KIF17: variants seen among roughly 807,000 people sequenced by gnomAD.
KIF17 encodes kinesin-like protein KIF17.
A neutral mutation model predicts 96.8 loss-of-function variants in KIF17; 80 were observed. That is an observed-to-expected ratio of 0.83 (90% CI 0.69 to 1.00). The LOEUF (loss-of-function observed/expected upper bound fraction) is 1.00. Ranked by LOEUF, KIF17 falls within the 50% of genes least tolerant of loss-of-function variation. The pLI is 0.00. For synonymous variants in KIF17, 567 were observed against 587.5 expected (o/e 0.97, Z 0.51); for missense variants, 1,280 against 1,372.9 (o/e 0.93, Z 1.07).
chr1:20,665,926 C>G (rs2053518677), intron 14 of KIF17, among the ~76,000 whole-genome samples: 1 of 152,234 alleles, frequency 6.6e-6, no homozygotes, highest in Non-Finnish European at 1.5e-5. Context: ...CATCCCCAGC[C>G]AGGCCCCTGA....
chr1:20,670,936 G>A (rs1289179379), intron 12 of KIF17, among the ~76,000 whole-genome samples: 1 of 152,194 alleles, frequency 6.6e-6, no homozygotes, highest in African/African-American at 2.4e-5. Flanking sequence ...GCCACAGCAT[G>A]TCTGGCTTTA....
At position 20,684,970 on chromosome 1, in the gene KIF17, C is replaced by G; in HGVS notation, c.2070G>C (p.Glu690Asp). 6.2e-7 allele frequency: 1 copy of G among 1,605,878 alleles called. No homozygotes were observed. Among genetic ancestry groups the G allele is most frequent in the Non-Finnish European group, 8.5e-7 (1 of 1,176,422 alleles). ...EVALEVVRTA[E>D]PGVWLEAQAP... Reference sequence around the variant, plus strand: ...CCTGAGCCTCCAACCACACGCCAGGCTCTGCTGTCCGCACCACCTCTAAGG... The same window carrying G: ...CCTGAGCCTCCAACCACACGCCAGGGTCTGCTGTCCGCACCACCTCTAAGG... Residue 690 changes from glutamate (E) to aspartate (D), a missense_variant, in exon 10 of 15, where the codon GAG (glutamate) becomes GAC (aspartate). By Grantham distance (45) the Glu-to-Asp change is conservative (BLOSUM62 2). Coordinates refer to ENST00000400463, the MANE Select transcript of KIF17 (RefSeq NM_001122819.3).
Position 20,692,190 on chromosome 1 carries a change from C to T in KIF17, c.1234-1855G>A, listed in dbSNP as rs574693616. Among the ~76,000 whole-genome samples, 4 of 152,356 alleles carry T rather than the reference C, an allele frequency of 2.6e-5. No homozygotes were observed. The South Asian group carries it at 6.2e-4, about 24-fold the overall frequency. On this transcript the variant is annotated intron_variant, in intron 6 of 14. Coordinates refer to ENST00000400463, the MANE Select transcript of KIF17 (RefSeq NM_001122819.3). ...ACATTTGGGGACTCCTAGACACACC[C>T]ACTTCCTCCCTGCCCCAAGGCCTTT...
Position 20,717,801 on chromosome 1 carries a change from A to G in KIF17, c.-95T>C, listed in dbSNP as rs1307804125. ...CCAAGGGGCGGGGCCAGCGCCGGCC[A>G]CGGGGGGCGGGGCCTTGAGGCAGGG... On this transcript the variant is annotated 5_prime_UTR_variant, in exon 1 of 15. Coordinates refer to ENST00000400463, the MANE Select transcript of KIF17 (RefSeq NM_001122819.3). The G allele has an allele frequency of 5.5e-4, 722 of 1,318,542 alleles. 7 individuals carry two copies. In the East Asian group the frequency reaches 0.014, roughly 26 times the overall value. The allele number at this position is 1,318,542 out of a possible 1,614,324, so 81.7% of individuals were successfully genotyped here.
rs2154535746 is a variant in KIF17 at position 20,682,767 on chromosome 1, A to G, written c.2349T>C (p.Ala783=). The G allele has an allele frequency of 6.2e-7, 1 of 1,613,104 alleles. No individual in the cohort carries two copies. The highest frequency in any genetic ancestry group is 8.5e-7 in the Non-Finnish European group (1 of 1,180,036). ...TGTCCTCATCCGAGTTCTGCAGGGC[A>G]GCCACCAGCTGCTTCCTGCGCTCGT... is the stretch of plus-strand genomic sequence containing the variant. The part of the protein sequence containing the change: ...YADERRKQLV[A]ALQNSDEDSG... The change falls in exon 11 of 15, where the codon GCT becomes GCC. Residue 783 remains alanine (A), a synonymous_variant. Coordinates refer to ENST00000400463, the MANE Select transcript of KIF17 (RefSeq NM_001122819.3).
intron 8 of KIF17, chr1:20,686,501 TACAC>T (rs10573512): frequency 8.1e-3 from 1,888 of 233,648 alleles, no homozygotes; most frequent in South Asian, 0.016. Context: ...ACACACAAAA[TACAC>T]ACACACACAC....
chr1:20,712,897 T>TCTATATCTATAATATAATATA lies in KIF17; in HGVS notation c.480+556_480+557insTATATTATATTATAGATATAG, dbSNP rs71010600. ...TTATCTATATATAATATAGATAATA[T>TCTATATCTATAATATAATATA]TATCTATATTATATATATAATATAT... On this transcript the variant is annotated intron_variant, in intron 3 of 14. Coordinates refer to ENST00000400463, the MANE Select transcript of KIF17 (RefSeq NM_001122819.3). Among the ~76,000 whole-genome samples, 32 of 52,330 alleles carry TCTATATCTATAATATAATATA rather than the reference T, an allele frequency of 6.1e-4. 1 individual carries two copies. The highest frequency in any genetic ancestry group is 1.1e-3 in the Non-Finnish European group (26 of 24,428). 34.3% of individuals were successfully genotyped at this position (52,330 alleles called of 152,430 possible).
At chr1:20,707,795 G>GTA (rs2054368742) in intron 4 of KIF17, among the ~76,000 whole-genome samples, 1 of 47,856 alleles carries the variant, frequency 2.1e-5, no homozygotes. Context: ...GTATGTGTGT[G>GTA]TGTGTGTGTG....
chr1:20,703,334 T>G (rs896130645), intron 5 of KIF17, among the ~76,000 whole-genome samples: 2 of 151,648 alleles, frequency 1.3e-5, no homozygotes, highest in Non-Finnish European at 2.9e-5. Context: ...AATGGATGCA[T>G]GGATGGATGA....
chr1:20,713,397 A>G (rs1232851477), intron 3 of KIF17, 57 bp downstream of exon 3: 7 of 1,255,082 alleles, frequency 5.6e-6, no homozygotes, highest in Non-Finnish European at 8.1e-6. Flanking sequence ...AGGGAGCAGC[A>G]CCAATGCCAA....
At chr1:20,688,031 GTTTT>G (rs537155013) in intron 7 of KIF17, 87 bp from the exon 8 acceptor site, 3 of 1,076,372 alleles carry the variant, frequency 2.8e-6, no homozygotes, top group Non-Finnish European at 4.2e-6. Context: ...CCAGTGTGTT[GTTTT>G]TTTTGTTTGT....
In KIF17 at chr1:20,704,062, AGGTGTGGCCGTGG is replaced by A. The variant is rs1317674872; in HGVS notation, c.1123+372_1123+384del. Among the ~76,000 whole-genome samples, 1 of 149,734 alleles carries A rather than the reference AGGTGTGGCCGTGG, an allele frequency of 6.7e-6. No homozygotes were observed. The highest frequency in any genetic ancestry group is 1.5e-5 in the Non-Finnish European group (1 of 67,428). ...CAGTAACAAGGTGCCTGCGAGGAGC[AGGTGTGGCCGTGG>A]GGAGTGAGTTGCCAGCTGCTGAGCA... On this transcript the variant is annotated intron_variant, in intron 5 of 14. Coordinates refer to ENST00000400463, the MANE Select transcript of KIF17 (RefSeq NM_001122819.3). This position sits in a 1 kb window ranked among gnomAD's most constrained non-coding sequence, Gnocchi z 6.8.
At chr1:20,683,010 G>A in intron 10 of KIF17, 126 bp from the exon 11 acceptor site, 2 of 767,522 alleles carry the variant, frequency 2.6e-6, no homozygotes, top group Admixed American at 2.4e-5. Flanking sequence ...TCACAGGGAG[G>A]GAAACCGAGG....
In KIF17 at chr1:20,704,567, T is replaced by C; in HGVS notation, c.1003A>G (p.Ile335Val). 6.2e-7 allele frequency: 1 copy of C among 1,614,180 alleles called. No homozygotes were observed. Among genetic ancestry groups the C allele is most frequent in the East Asian group, 2.2e-5 (1 of 44,872 alleles). ...TLRYANRAKN[I>V]RNKPRINEDP... ...TCATTGATGCGCGGCTTGTTCCTGATGTTCTTGGCCCGGTTGGCGTAGCGC... is the reference window on the plus strand; with the variant it reads ...TCATTGATGCGCGGCTTGTTCCTGACGTTCTTGGCCCGGTTGGCGTAGCGC... Residue 335 changes from isoleucine (I) to valine (V), a missense_variant, in exon 5 of 15, where the codon ATC (isoleucine) becomes GTC (valine). Coordinates refer to ENST00000400463, the MANE Select transcript of KIF17 (RefSeq NM_001122819.3). The surrounding 1 kb of genome is among the most constrained non-coding windows in gnomAD (Gnocchi z 6.8).
intron 13 of KIF17, among the ~76,000 whole-genome samples, chr1:20,668,369 A>G (rs976410002): frequency 3.3e-5 from 5 of 151,864 alleles, no homozygotes; most frequent in Non-Finnish European, 7.4e-5. Flanking sequence ...CCCTAGATCC[A>G]GCCGTGCCTG....
At chr1:20,708,356 C>T (rs1449531861) in intron 4 of KIF17, among the ~76,000 whole-genome samples, 2 of 152,326 alleles carry the variant, frequency 1.3e-5, no homozygotes, top group East Asian at 1.9e-4. Flanking sequence ...TGCAGTGGTG[C>T]GATCTCAGAT....
chr1:20,709,532 T>C lies in KIF17; in HGVS notation c.670+107A>G. ...GTTTCCTCCAGGCTGTTAGAGCATCTCTTCCCACTTTCCAGGGGCTCCTGC... is the reference window on the plus strand; with the variant it reads ...GTTTCCTCCAGGCTGTTAGAGCATCCCTTCCCACTTTCCAGGGGCTCCTGC... On this transcript the variant is annotated intron_variant, in intron 4 of 14. Coordinates refer to ENST00000400463, the MANE Select transcript of KIF17 (RefSeq NM_001122819.3). The surrounding 1 kb of genome is among the most constrained non-coding windows in gnomAD (Gnocchi z 4.7). 7.9e-7 allele frequency: 1 copy of C among 1,258,568 alleles called. No homozygotes were observed. The highest frequency in any genetic ancestry group is 1.2e-5 in the South Asian group (1 of 82,080). 78.0% of individuals were successfully genotyped at this position (1,258,568 alleles called of 1,614,324 possible).
At chr1:20,717,244 G>A (rs946408050) in intron 1 of KIF17, 3 of 562,826 alleles carry the variant, frequency 5.3e-6, no homozygotes, top group Admixed American at 3.2e-5. Flanking sequence ...CAGGAGAATC[G>A]CTTGAACCCG....
Position 20,682,810 on chromosome 1 carries a change from C to T in KIF17, c.2306G>A (p.Arg769Gln), listed in dbSNP as rs374049433. The T allele has an allele frequency of 8.7e-5, 140 of 1,612,694 alleles. No homozygotes were observed. The highest frequency in any genetic ancestry group is 1.7e-4 in the African/African-American group (13 of 75,078). ...KNKDLKEKHKRRKRYADERRK... is the reference protein window; with the variant it reads ...KNKDLKEKHKQRKRYADERRK... ...GCGCTCGTCTGCGTAGCGCTTGCGC[C>T]GCTTGTGCTTCTCCTTCAGGTCCTT... Residue 769 changes from arginine to glutamine, a missense_variant, in exon 11 of 15, where the codon CGG becomes CAG. Coordinates refer to ENST00000400463, the MANE Select transcript of KIF17 (RefSeq NM_001122819.3).
Sources: allele counts gnomAD v4.1 joint callset (sites outside exome capture counted in the v4.1 genomes callset), GRCh38; gene constraint gnomAD v4.1.1; non-coding constraint Gnocchi (gnomAD v3.1); transcripts MANE v1.5; gene names NCBI Gene and HGNC (gene_info 2026-07-23, HGNC 2026-07-21).